The following ACSL1 variants were observed in gnomAD, a reference collection of about 807,000 sequenced individuals.
The protein encoded by ACSL1 is long-chain-fatty-acid--CoA ligase 1.
A neutral mutation model predicts 98.4 loss-of-function variants in ACSL1; 41 were observed. The observed-to-expected ratio is 0.42, with a 90% CI of 0.32 to 0.54. The LOEUF is 0.54. Ranked by LOEUF, ACSL1 falls within the 20% of genes least tolerant of loss-of-function variation. The pLI, the probability that ACSL1 is intolerant of heterozygous loss-of-function variation, is 0.13. For missense variants in ACSL1, 734 were observed against 883.1 expected (o/e 0.83, Z 2.14); for synonymous variants, 316 against 322.7 (o/e 0.98, Z 0.22).
At chr4:184,788,501 G>C (rs767923919) in intron 3 of ACSL1, 116 bp downstream of exon 3, 1 of 802,602 alleles carries the variant, frequency 1.2e-6, no homozygotes, top group South Asian at 1.4e-5. Context: ...GACACAGAGG[G>C]GCCTGAGCGA....
In ACSL1 at chr4:184,803,059, C is replaced by T. The variant is rs569237163; in HGVS notation, c.195+261G>A. On this transcript the variant is annotated intron_variant, in intron 2 of 20. Transcript: ENST00000281455. This position sits in a 1 kb window ranked among gnomAD's most constrained non-coding sequence, Gnocchi z 4.8. ...AGGCTGACCACAGTGCCTACCACAG[C>T]GTAGAAACTCAATGTCATTTCTAGA... is the stretch of plus-strand genomic sequence containing the variant. Among the ~76,000 whole-genome samples the T allele has an allele frequency of 7.9e-5, 12 of 152,294 alleles. No homozygotes were observed. Among genetic ancestry groups the T allele is most frequent in the African/African-American group, 2.4e-4 (10 of 41,558 alleles).
intron 4 of ACSL1, among the ~76,000 whole-genome samples, chr4:184,783,379 G>A (rs953955939): frequency 1.3e-5 from 2 of 152,126 alleles, no homozygotes; most frequent in African/African-American, 4.8e-5. Flanking sequence ...AGCTGCCTGG[G>A]GGTAAGTGTC....
In ACSL1 at chr4:184,794,516, G is replaced by C. The variant is rs533004973; in HGVS notation, c.196-5785C>G. 2.0e-5 allele frequency among the ~76,000 whole-genome samples: 3 copies of C among 152,306 alleles called. No homozygotes were observed. In the East Asian group the frequency reaches 5.8e-4, roughly 29 times the overall value. On this transcript the variant is annotated intron_variant, in intron 2 of 20. Transcript: ENST00000281455. Reference sequence around the variant, plus strand: ...CCTCCCAGCTGAGCACAGAAGGGCAGAACTATCCTGACACTGGCATGCAGG... The same window carrying C: ...CCTCCCAGCTGAGCACAGAAGGGCACAACTATCCTGACACTGGCATGCAGG...
rs200135174 is a variant in ACSL1 at position 184,757,164 on chromosome 4, C to A, written c.2058G>T (p.Arg686Ser). 1.5e-4 allele frequency: 240 copies of A among 1,608,142 alleles called. 1 individual carries two copies. Among genetic ancestry groups the A allele is most frequent in the Admixed American group, 4.2e-4 (25 of 59,926 alleles). The change falls in exon 21 of 21, where the codon AGG becomes AGT. Residue 686 changes from arginine (R) to serine (S), a missense_variant. Physicochemically the swap from Arg to Ser is moderately radical, Grantham distance 110. Coordinates refer to ENST00000281455, the MANE Select transcript of ACSL1 (RefSeq NM_001995.5). This position sits in a 1 kb window ranked among gnomAD's most constrained non-coding sequence, Gnocchi z 4.5. Reference protein sequence around the residue: ...AKRPELRNYFRSQIDDLYSTI... With the variant: ...AKRPELRNYFSSQIDDLYSTI... ...TGGAATAGAGGTCATCTATCTGCGA[C>A]CTGAAATAGTTCCGCAGCTCTGGCC...
intron 1 of ACSL1, among the ~76,000 whole-genome samples, chr4:184,804,751 T>C (rs148915163): frequency 1.3e-5 from 2 of 152,298 alleles, no homozygotes; most frequent in East Asian, 3.9e-4. Flanking sequence ...TTCTGACTGC[T>C]AAATGACTCA....
At chr4:184,791,212 C>T (rs187086339) in intron 2 of ACSL1, among the ~76,000 whole-genome samples, 50 of 152,338 alleles carry the variant, frequency 3.3e-4, no homozygotes, top group Admixed American at 6.5e-4. Context: ...ACTTTCTGCA[C>T]TCTGCAGAGG....
At chr4:184,786,834 C>T (rs1767459993) in intron 3 of ACSL1, among the ~76,000 whole-genome samples, 1 of 151,968 alleles carries the variant, frequency 6.6e-6, no homozygotes, top group South Asian at 2.1e-4. Flanking sequence ...GCGGGGGTTA[C>T]AGACATGCAC....
At chr4:184,795,117 T>C (rs1769127237) in intron 2 of ACSL1, among the ~76,000 whole-genome samples, 1 of 152,200 alleles carries the variant, frequency 6.6e-6, no homozygotes, top group Admixed American at 6.5e-5. Flanking sequence ...CGTAGAAATT[T>C]ACATGCCAAC....
intron 12 of ACSL1, chr4:184,768,023 T>C (rs1763890394): frequency 4.3e-6 from 2 of 466,818 alleles, no homozygotes; most frequent in Admixed American, 4.2e-5. Context: ...GTGTTACACA[T>C]GAGGAAGCAG....
intron 17 of ACSL1, 80 bp downstream of exon 17, chr4:184,762,327 G>T: frequency 8.2e-7 from 1 of 1,220,500 alleles, no homozygotes; most frequent in Non-Finnish European, 1.2e-6. Context: ...ACTGCCACAT[G>T]GCAGCTGCAC....
At chr4:184,780,054 T>A (rs1765977877) in intron 5 of ACSL1, among the ~76,000 whole-genome samples, 1 of 152,122 alleles carries the variant, frequency 6.6e-6, no homozygotes, top group Non-Finnish European at 1.5e-5. Context: ...GTATTTTTAG[T>A]AGAGATGGGG....
chr4:184,818,476 G>A (rs1346552332), intron 1 of ACSL1, among the ~76,000 whole-genome samples: 1 of 152,154 alleles, frequency 6.6e-6, no homozygotes, highest in Non-Finnish European at 1.5e-5. Context: ...CCTTGATCTT[G>A]GCTATAAGAT....
rs928966063 is a variant in ACSL1, at chr4:184,769,437, C to T, written c.993+962G>A. Among the ~76,000 whole-genome samples the T allele has an allele frequency of 1.3e-4, 20 of 152,278 alleles. 2 individuals carry two copies. Among genetic ancestry groups the T allele is most frequent in the Admixed American group, 5.2e-4 (8 of 15,286 alleles). ...TTCTCTGTCTTAGAAGCAGAAACCA[C>T]GAGAAAGGTACACCATGGTTCACTG... On this transcript the variant is annotated intron_variant, in intron 11 of 20. Transcript: ENST00000281455.
At chr4:184,772,234 A>G (rs1035068174) in intron 10 of ACSL1, among the ~76,000 whole-genome samples, 2 of 152,208 alleles carry the variant, frequency 1.3e-5, no homozygotes, top group Non-Finnish European at 2.9e-5. Flanking sequence ...ATCTTTAAAA[A>G]GGGCATTTGG....
At position 184,760,498 on chromosome 4, in the gene ACSL1, A is replaced by G. The variant is rs183349443; in HGVS notation, c.1641T>C (p.Asn547=). The G allele has an allele frequency of 7.9e-5, 128 of 1,614,122 alleles. No homozygotes were observed. Among genetic ancestry groups the G allele is most frequent in the Non-Finnish European group, 1.0e-4 (121 of 1,179,972 alleles). ...TCCGGTCGATAATTTTCAAGGTGCCATTCTGTTGATCAGAGGGGAGGGGGT... is the reference window on the plus strand; with the variant it reads ...TCCGGTCGATAATTTTCAAGGTGCCGTTCTGTTGATCAGAGGGGAGGGGGT... ...HTGDIGKWLP[N]GTLKIIDRKK... The change falls in exon 18 of 21, where the codon AAT becomes AAC. Residue 547 remains asparagine (N), a splice_region_variant and synonymous_variant. Transcript: ENST00000281455.
intron 6 of ACSL1, 75 bp from the exon 7 acceptor site, chr4:184,776,737 G>A: frequency 6.6e-7 from 1 of 1,524,636 alleles, no homozygotes; most frequent in Non-Finnish European, 8.9e-7. Flanking sequence ...CCAGCACAAG[G>A]ATACTTGAAG....
chr4:184,784,968 A>G (rs979739061), intron 3 of ACSL1, among the ~76,000 whole-genome samples: 7 of 152,218 alleles, frequency 4.6e-5, no homozygotes, highest in Non-Finnish European at 8.8e-5. Flanking sequence ...TCCAGATGGG[A>G]AAAAAATTGC....
intron 12 of ACSL1, chr4:184,767,941 A>G: frequency 3.1e-6 from 1 of 323,850 alleles, no homozygotes; most frequent in Non-Finnish European, 5.6e-6. Context: ...ACCATTTCAT[A>G]GTTACTATTC....
intron 3 of ACSL1, among the ~76,000 whole-genome samples, chr4:184,787,397 G>A (rs1348856989): frequency 1.3e-5 from 2 of 152,214 alleles, no homozygotes; most frequent in African/African-American, 2.4e-5. Context: ...TATGCAGAAG[G>A]AATATAACAT....
Sources: allele counts gnomAD v4.1 joint callset (sites outside exome capture counted in the v4.1 genomes callset), GRCh38; gene constraint gnomAD v4.1.1; non-coding constraint Gnocchi (gnomAD v3.1); transcripts MANE v1.5; gene names NCBI Gene and HGNC (gene_info 2026-07-23, HGNC 2026-07-21).